Variants in SORCS3 observed in about 807,000 individuals in gnomAD.
The protein encoded by SORCS3 is VPS10 domain-containing receptor SorCS3.
SORCS3 carries 57 observed loss-of-function variants against 146.3 expected under a neutral mutation model. The ratio of observed to expected loss-of-function variants is 0.39; its 90% CI spans 0.31 to 0.49. The LOEUF (loss-of-function observed/expected upper bound fraction) is 0.49, where lower values mean the gene tolerates loss of function less well. Ranked by LOEUF, SORCS3 falls within the 20% of genes least tolerant of loss-of-function variation. The pLI, the probability that SORCS3 is intolerant of heterozygous loss-of-function variation, is 0.92. For synonymous variants in SORCS3, 653 were observed against 618.5 expected (o/e 1.06, Z -0.83); for missense variants, 1,341 against 1,575.5 (o/e 0.85, Z 2.52).
At chr10:105,206,278 G>C (rs2056601879) in intron 16 of SORCS3, among the ~76,000 whole-genome samples, 1 of 152,110 alleles carries the variant, frequency 6.6e-6, no homozygotes, top group Non-Finnish European at 1.5e-5. Flanking sequence ...TGAATTTTAT[G>C]GTCCAAAGCT....
At chr10:104,883,611 C>T (rs959512695) in intron 2 of SORCS3, among the ~76,000 whole-genome samples, 9 of 152,240 alleles carry the variant, frequency 5.9e-5, no homozygotes, top group Admixed American at 4.6e-4. Context: ...TTAGGGATAC[C>T]GCTCAAAGCA....
intron 7 of SORCS3, among the ~76,000 whole-genome samples, chr10:105,125,710 A>ACACACACACACAC (rs1564761153): frequency 3.7e-4 from 9 of 24,092 alleles, no homozygotes; most frequent in African/African-American, 2.7e-3. Context: ...CACACACACA[A>ACACACACACACAC]AACAGGCAGC....
At chr10:104,867,226 T>C (rs1359454192) in intron 2 of SORCS3, among the ~76,000 whole-genome samples, 1 of 150,386 alleles carries the variant, frequency 6.6e-6, no homozygotes, top group Non-Finnish European at 1.5e-5. Context: ...GAGGAGGGGG[T>C]GCTTTTTTTA....
At chr10:105,049,212 G>T (rs1248821035) in intron 5 of SORCS3, among the ~76,000 whole-genome samples, 1 of 152,026 alleles carries the variant, frequency 6.6e-6, no homozygotes, top group Non-Finnish European at 1.5e-5. Context: ...CTTGAAGAGG[G>T]TTACAAAGAA....
intron 2 of SORCS3, among the ~76,000 whole-genome samples, chr10:104,909,662 A>G (rs2018945649): frequency 6.6e-6 from 1 of 152,146 alleles, no homozygotes; most frequent in Non-Finnish European, 1.5e-5. Flanking sequence ...AGAACATCAG[A>G]TGGCCCCGTG....
intron 1 of SORCS3, among the ~76,000 whole-genome samples, chr10:104,710,421 A>G (rs2016401371): frequency 6.6e-6 from 1 of 152,230 alleles, no homozygotes; most frequent in South Asian, 2.1e-4. Flanking sequence ...TCAGTAGTGA[A>G]AAAAACGGGC....
intron 7 of SORCS3, among the ~76,000 whole-genome samples, chr10:105,109,143 C>A (rs188799650): frequency 3.3e-5 from 5 of 152,196 alleles, no homozygotes; most frequent in Admixed American, 2.6e-4. Flanking sequence ...TTCCTGTTGG[C>A]AGCAATTACA....
intron 1 of SORCS3, among the ~76,000 whole-genome samples, chr10:104,645,576 C>A (rs932413552): frequency 1.3e-5 from 2 of 152,160 alleles, no homozygotes; most frequent in Non-Finnish European, 2.9e-5. Flanking sequence ...AGGCTGCTGC[C>A]CCTGCAGTGT....
At chr10:104,654,028 G>T (rs532526893) in intron 1 of SORCS3, among the ~76,000 whole-genome samples, 2 of 151,738 alleles carry the variant, frequency 1.3e-5, no homozygotes, top group African/African-American at 4.8e-5. Context: ...ATTTTTAGAC[G>T]CCACAAATAA....
chr10:105,107,572 C>A (rs748960995), intron 7 of SORCS3, among the ~76,000 whole-genome samples: 2 of 151,988 alleles, frequency 1.3e-5, no homozygotes, highest in Non-Finnish European at 2.9e-5. Flanking sequence ...GAAGTTTTGT[C>A]TTTAATTAGC....
At chr10:105,068,760 G>C (rs1410371893) in intron 5 of SORCS3, among the ~76,000 whole-genome samples, 2 of 152,028 alleles carry the variant, frequency 1.3e-5, no homozygotes. Flanking sequence ...GGCAATTCAA[G>C]GTTATCAGTA....
intron 1 of SORCS3, among the ~76,000 whole-genome samples, chr10:104,764,002 CTT>C (rs58439388): frequency 2.6e-4 from 37 of 142,860 alleles, no homozygotes; most frequent in Non-Finnish European, 4.1e-4. Context: ...TCAATTAAAC[CTT>C]TTTTTTTTTT....
In SORCS3 at chr10:105,247,271, T is replaced by C; in HGVS notation, c.3045T>C (p.Asn1015=). The change falls in exon 22 of 27, where the codon AAT becomes AAC. Residue 1015 remains asparagine (N), a synonymous_variant. Coordinates refer to ENST00000369701, the MANE Select transcript of SORCS3 (RefSeq NM_014978.3). ...LSFSPNLDYH[N]PDIPEWRKDI... is the part of the protein sequence containing the mutation. ...TCTCTCCTAATCTGGATTACCACAA[T>C]CCTGACATTCCTGAGTGGAGAAAAG... 1 of 1,612,960 alleles carries C rather than the reference T, an allele frequency of 6.2e-7. No individual in the cohort carries two copies. The highest frequency in any genetic ancestry group is 8.5e-7 in the Non-Finnish European group (1 of 1,179,096).
chr10:104,780,392 C>G (rs1019334984), intron 1 of SORCS3, among the ~76,000 whole-genome samples: 1 of 152,196 alleles, frequency 6.6e-6, no homozygotes, highest in African/African-American at 2.4e-5. Context: ...AAACCTTAGA[C>G]ACAGCCTTCA....
chr10:105,234,182 C>G (rs993104576), intron 20 of SORCS3, among the ~76,000 whole-genome samples: 6 of 151,992 alleles, frequency 3.9e-5, no homozygotes, highest in Admixed American at 1.3e-4. Flanking sequence ...TTCCCTCAAC[C>G]CTTTAAATAT....
intron 7 of SORCS3, among the ~76,000 whole-genome samples, chr10:105,136,623 T>G (rs746045717): frequency 6.6e-6 from 1 of 152,170 alleles, no homozygotes; most frequent in Non-Finnish European, 1.5e-5. Context: ...AATTGAGAGA[T>G]AGGAGAAATT....
At chr10:104,707,940 GAC>G (rs2016357747) in intron 1 of SORCS3, among the ~76,000 whole-genome samples, 1 of 152,160 alleles carries the variant, frequency 6.6e-6, no homozygotes, top group African/African-American at 2.4e-5. Context: ...GGTTGGACTT[GAC>G]AGTGAGAGGG....
intron 3 of SORCS3, 86 bp from the exon 4 acceptor site, chr10:104,977,249 A>T (rs1340052): frequency 3.5e-6 from 4 of 1,136,404 alleles, no homozygotes; most frequent in Non-Finnish European, 4.9e-6. Context: ...GTGTACAAAT[A>T]CAGATGACTT....
intron 2 of SORCS3, among the ~76,000 whole-genome samples, chr10:104,871,437 A>C (rs1047668493): frequency 6.6e-6 from 1 of 152,146 alleles, no homozygotes; most frequent in Non-Finnish European, 1.5e-5. Flanking sequence ...TACTTTAGAA[A>C]ATTTTGAGCC....
Sources: gnomAD v4.1 joint callset for allele counts (sites outside exome capture counted in the v4.1 genomes callset) on GRCh38, gnomAD v4.1.1 for gene constraint, MANE v1.5 for transcripts, NCBI Gene and HGNC (gene_info 2026-07-23, HGNC 2026-07-21) for gene names.